The following TPP1 variants were observed in gnomAD, a reference collection of about 807,000 sequenced individuals.
The protein encoded by TPP1 is tripeptidyl peptidase 1.
In TPP1, 43 loss-of-function variants were observed where a neutral mutation model predicts 67.6. The ratio of observed to expected loss-of-function variants is 0.64; its 90% CI spans 0.50 to 0.82. The LOEUF (loss-of-function observed/expected upper bound fraction) is 0.82, where lower values mean the gene tolerates loss of function less well. TPP1 is among the 40% of genes least tolerant of loss of function. The pLI is 0.00. For synonymous variants in TPP1, 272 were observed against 281.5 expected (o/e 0.97, Z 0.34); for missense variants, 671 against 710.9 (o/e 0.94, Z 0.64).
rs2134592207 is a variant in TPP1, at chr11:6,615,567, G to A, written c.1146-5C>T. ...CCCACTGTGGTGACATAGGGGCTGA[G>A]GGGAGAAGACAGCATTTGGATAGTA... On this transcript the variant is annotated splice_polypyrimidine_tract_variant and splice_region_variant and intron_variant, in intron 9 of 12. Transcript: ENST00000299427. The A allele has an allele frequency of 1.2e-6, 2 of 1,614,102 alleles. No individual in the cohort carries two copies. Among genetic ancestry groups the A allele is most frequent in the Non-Finnish European group, 1.7e-6 (2 of 1,180,032 alleles).
chr11:6,615,187 CATGGAA>C lies in TPP1; in HGVS notation c.1403_1408del (p.Ile468_Trp470delinsArg), dbSNP rs2134591549. 6.2e-7 allele frequency: 1 copy of C among 1,614,144 alleles called. No homozygotes were observed. The highest frequency in any genetic ancestry group is 2.2e-5 in the East Asian group (1 of 44,884). On this transcript the variant is annotated inframe_deletion, in exon 11 of 13. Transcript: ENST00000299427. The stretch of plus-strand genomic sequence containing the variant: ...GATTCTCACCGAGGTTCCGGACACC[CATGGAA>C]TGGGCACTCTGTTGCTGACCACCCA...
At chr11:6,615,044 T>C in intron 11 of TPP1, 53 bp from the exon 12 acceptor site, 1 of 1,613,548 alleles carries the variant, frequency 6.2e-7, no homozygotes, top group Non-Finnish European at 8.5e-7. Flanking sequence ...GATTGGACTT[T>C]TTGGGAGTGA....
intron 2 of TPP1, 62 bp from the exon 3 acceptor site, chr11:6,618,977 T>G (rs1290699497): frequency 6.2e-7 from 1 of 1,604,164 alleles, no homozygotes. Context: ...ATATTGGTCA[T>G]GGAAGGTTCC....
rs1855599309 is a variant in TPP1 at position 6,617,140 on chromosome 11, G to A, written c.522C>T (p.His174=). 1 of 1,613,954 alleles carries A rather than the reference G, an allele frequency of 6.2e-7. No homozygotes were observed. The change falls in exon 6 of 13, where the codon CAC becomes CAT. Residue 174 remains histidine, a synonymous_variant. Coordinates refer to ENST00000299427, the MANE Select transcript of TPP1 (RefSeq NM_000391.4). The stretch of plus-strand genomic sequence containing the variant: ...TCAGGGATGATGTTGGGGGAAAACG[G>A]TGCAGTCCCCCCACTGTAGGGAGAA... ...APHVDFVGGL[H]RFPPTSSLRQ...
chr11:6,617,016 C>CCAGAGCCAGA lies in TPP1; in HGVS notation c.645_646insTCTGGCTCTG (p.Val216SerfsTer11). On this transcript the variant is annotated frameshift_variant, in exon 6 of 13. Coordinates refer to ENST00000299427, the MANE Select transcript of TPP1 (RefSeq NM_000391.4). LOFTEE classifies it high-confidence loss of function. ...CTGTTATTGCTGGTGCCAGAGCCCA[C>CCAGAGCCAGA]GTCTTGTGAGGTCAAGTTGTATCGC... The CCAGAGCCAGA allele has an allele frequency of 1.9e-6, 3 of 1,614,130 alleles. No homozygotes were observed. Among genetic ancestry groups the CCAGAGCCAGA allele is most frequent in the Non-Finnish European group, 2.5e-6 (3 of 1,180,014 alleles).
At position 6,618,812 on chromosome 11, in the gene TPP1, C is replaced by T. The variant is rs1375613413; in HGVS notation, c.193G>A (p.Val65Met). Residue 65 changes from valine (V) to methionine (M), a missense_variant, in exon 3 of 13, where the codon GTG becomes ATG. Coordinates refer to ENST00000299427, the MANE Select transcript of TPP1 (RefSeq NM_000391.4). ...QQNVERLSELVQAVSDPSSPQ... is the reference protein window; with the variant it reads ...QQNVERLSELMQAVSDPSSPQ... Reference sequence around the variant, plus strand: ...GAGCTGGGATCCGACACAGCCTGCACCAGCTCCGAGAGTCTTTCCACATTC... The same window carrying T: ...GAGCTGGGATCCGACACAGCCTGCATCAGCTCCGAGAGTCTTTCCACATTC... The T allele has an allele frequency of 2.5e-6, 4 of 1,614,082 alleles. No homozygotes were observed. Among genetic ancestry groups the T allele is most frequent in the Non-Finnish European group, 2.5e-6 (3 of 1,180,046 alleles).
Position 6,616,330 on chromosome 11 carries a change from G to C in TPP1, c.1060C>G (p.Leu354Val), listed in dbSNP as rs1451243859. ...AGGAGGTCACCTGAGGCGAAGAGCA[G>C]GGTGAGACCCCGAGCGGCAGCCTTC... ...LMKAAARGLT[L>V]LFASGDSGAG... is the part of the protein sequence containing the mutation. Residue 354 changes from leucine (L) to valine (V), a missense_variant, in exon 8 of 13, where the codon CTG (leucine) becomes GTG (valine). Coordinates refer to ENST00000299427, the MANE Select transcript of TPP1 (RefSeq NM_000391.4). 6.2e-7 allele frequency: 1 copy of C among 1,613,306 alleles called. No homozygotes were observed. The highest frequency in any genetic ancestry group is 8.5e-7 in the Non-Finnish European group (1 of 1,179,930).
Position 6,614,303 on chromosome 11 carries a change from C to A in TPP1, c.*243G>T, listed in dbSNP as rs1214542354. 3.5e-6 allele frequency: 2 copies of A among 577,872 alleles called. No individual in the cohort carries two copies. The highest frequency in any genetic ancestry group is 1.9e-5 in the African/African-American group (1 of 53,478). 35.8% of individuals were successfully genotyped at this position (577,872 alleles called of 1,614,324 possible). ...GATGAGATGCGGAGGGAGAGGCATT[C>A]AAAAAATGCTAGTTACAGCATCTTA... On this transcript the variant is annotated 3_prime_UTR_variant, in exon 13 of 13. Coordinates refer to ENST00000299427, the MANE Select transcript of TPP1 (RefSeq NM_000391.4).
chr11:6,614,764 C>T, intron 12 of TPP1, 78 bp from the exon 13 acceptor site: 8 of 1,613,854 alleles, frequency 5.0e-6, no homozygotes, highest in Non-Finnish European at 5.1e-6. Context: ...CCTGTACTCA[C>T]ATTTCAAAGG....
chr11:6,616,830 G>T lies in TPP1; in HGVS notation c.717C>A (p.Asp239Glu). Residue 239 changes from aspartate (D) to glutamate (E), a missense_variant, in exon 7 of 13, where the codon GAC becomes GAA. By Grantham distance (45) the Asp-to-Glu change is conservative (BLOSUM62 2). Transcript: ENST00000299427. ...QFLEQYFHDS[D>E]LAQFMRLFGG... is the part of the protein sequence containing the mutation. Reference sequence around the variant, plus strand: ...CGAAGAGGCGCATGAACTGAGCCAGGTCTGAGTCATGGAAATACTGCTCCA... The same window carrying T: ...CGAAGAGGCGCATGAACTGAGCCAGTTCTGAGTCATGGAAATACTGCTCCA... 6.2e-7 allele frequency: 1 copy of T among 1,613,886 alleles called. No individual in the cohort carries two copies. The highest frequency in any genetic ancestry group is 2.2e-5 in the East Asian group (1 of 44,886).
rs1564855391 is a variant in TPP1, at chr11:6,617,063, AC to A, written c.598del (p.Val200Ter). The A allele has an allele frequency of 6.2e-7, 1 of 1,614,078 alleles. No homozygotes were observed. Among genetic ancestry groups the A allele is most frequent in the East Asian group, 2.2e-5 (1 of 44,878 alleles). ...TCGCTTACGGATCACAGAGGGGGTT[AC>A]CCCCAGATGCAGGCCTACAGTCCCT... ...VTGTVGLHLG[V>X]TPSVIRKRYN... On this transcript the variant is annotated frameshift_variant, in exon 6 of 13. Transcript: ENST00000299427. LOFTEE classifies it high-confidence loss of function.
At chr11:6,617,202 A>G (rs1384184594) in intron 5 of TPP1, 49 bp from the exon 6 acceptor site, 3 of 1,613,392 alleles carry the variant, frequency 1.9e-6, no homozygotes, top group Non-Finnish European at 2.5e-6. Context: ...TGTAATGCCC[A>G]CCTTACAACT....
rs1279298400 is a variant in TPP1 at position 6,619,222 on chromosome 11, G to A, written c.63C>T (p.Tyr21=). The change falls in exon 2 of 13, where the codon TAC becomes TAT. Residue 21 remains tyrosine, a synonymous_variant. Transcript: ENST00000299427. ...TCCTCCGCTGGTCGGGCTCCGGGCT[G>A]TAACTGCATTTGCCAGAGAGGATGA... The part of the protein sequence containing the change: ...FALILSGKCS[Y]SPEPDQRRTL... The A allele has an allele frequency of 3.1e-6, 5 of 1,614,208 alleles. No homozygotes were observed. The highest frequency in any genetic ancestry group is 4.2e-6 in the Non-Finnish European group (5 of 1,180,030).
chr11:6,617,532 C>T (rs1308850989), intron 4 of TPP1, 94 bp downstream of exon 4: 4 of 1,612,772 alleles, frequency 2.5e-6, no homozygotes, highest in Admixed American at 1.7e-5. Context: ...GCATTAGCTC[C>T]CACCCACAAG....
At position 6,613,778 on chromosome 11, in the gene TPP1, C is replaced by G. The variant is rs2134589233; in HGVS notation, c.*768G>C. 1.3e-5 allele frequency: 2 copies of G among 152,704 alleles called. No individual in the cohort carries two copies. The highest frequency in any genetic ancestry group is 6.8e-3 in the Middle Eastern group (2 of 296). 9.5% of individuals were successfully genotyped at this position (152,704 alleles called of 1,614,324 possible). A position where few individuals can be genotyped will look rare whatever the true frequency, so the allele number is the denominator to read the frequency against. On this transcript the variant is annotated 3_prime_UTR_variant, in exon 13 of 13. Transcript: ENST00000299427. Reference sequence around the variant, plus strand: ...TTGGAAAAAGCATAGCATCATTTACCAAGAAGAAACGAGATGGAATTGTTT... The same window carrying G: ...TTGGAAAAAGCATAGCATCATTTACGAAGAAGAAACGAGATGGAATTGTTT...
In TPP1 at chr11:6,614,516, G is replaced by A. The variant is rs747924226; in HGVS notation, c.*30C>T. ...ACTGAACTGCCAGCTTCAGGGCAGG[G>A]GACAAGCCATCTCTCCTGATAGGAA... On this transcript the variant is annotated 3_prime_UTR_variant, in exon 13 of 13. Coordinates refer to ENST00000299427, the MANE Select transcript of TPP1 (RefSeq NM_000391.4). 14 of 1,614,062 alleles carry A rather than the reference G, an allele frequency of 8.7e-6. No individual in the cohort carries two copies. Among genetic ancestry groups the A allele is most frequent in the Non-Finnish European group, 1.1e-5 (13 of 1,180,000 alleles).
intron 8 of TPP1, 21 bp downstream of exon 8, chr11:6,616,294 A>G: frequency 6.2e-7 from 1 of 1,612,772 alleles, no homozygotes. Flanking sequence ...AGCATTGTCT[A>G]AGTTTAGGGT....
chr11:6,616,357 T>C lies in TPP1; in HGVS notation c.1033A>G (p.Met345Val). Residue 345 changes from methionine to valine, a missense_variant, in exon 8 of 13, where the codon ATG (methionine) becomes GTG (valine). By Grantham distance (21) the Met-to-Val change is conservative. Coordinates refer to ENST00000299427, the MANE Select transcript of TPP1 (RefSeq NM_000391.4). ...AYIQRVNTELMKAAARGLTLL... is the reference protein window; with the variant it reads ...AYIQRVNTELVKAAARGLTLL... ...GTGAGACCCCGAGCGGCAGCCTTCA[T>C]GAGCTCAGTGTTGACCCGCTGGATG... The C allele has an allele frequency of 6.2e-7, 1 of 1,613,484 alleles. No homozygotes were observed. Among genetic ancestry groups the C allele is most frequent in the Non-Finnish European group, 8.5e-7 (1 of 1,179,696 alleles).
At position 6,614,641 on chromosome 11, in the gene TPP1, C is replaced by T. The variant is rs2134590473; in HGVS notation, c.1597G>A (p.Gly533Ser). Residue 533 changes from glycine (G) to serine (S), a missense_variant, in exon 13 of 13, where the codon GGC becomes AGC. Physicochemically the swap from Gly to Ser is moderately conservative, Grantham distance 56 (BLOSUM62 0). Transcript: ENST00000299427. Reference protein sequence around the residue: ...HESCLDEEVEGQGFCSGPGWD... With the variant: ...HESCLDEEVESQGFCSGPGWD... ...CCAGGACCAGAGCAGAAACCCTGGC[C>T]CTCTACCTCTTCATCCAGACAGGAC... The T allele has an allele frequency of 1.2e-6, 2 of 1,614,118 alleles. No individual in the cohort carries two copies. Among genetic ancestry groups the T allele is most frequent in the East Asian group, 2.2e-5 (1 of 44,864 alleles).
Sources: gnomAD v4.1 joint callset for allele counts on GRCh38, gnomAD v4.1.1 for gene constraint, MANE v1.5 for transcripts, NCBI Gene and HGNC (gene_info 2026-07-23, HGNC 2026-07-21) for gene names.